LARP1: variants seen among roughly 807,000 people sequenced by gnomAD.
LARP1 encodes la-related protein 1.
LARP1 carries 36 observed loss-of-function variants against 122.7 expected under a neutral mutation model. The observed-to-expected ratio is 0.29, with a 90% CI of 0.22 to 0.39. The LOEUF (loss-of-function observed/expected upper bound fraction) is 0.39, where lower values mean the gene tolerates loss of function less well. Among genes scored for constraint, LARP1 ranks in the 10% least tolerant of loss-of-function variants. LARP1 has a pLI of 1.00. For missense variants in LARP1, 1,040 were observed against 1,403.6 expected (o/e 0.74, Z 4.14); for synonymous variants, 539 against 528.7 (o/e 1.02, Z -0.27).
At chr5:154,791,134 G>GTTTTT (rs778607471) in intron 3 of LARP1, among the ~76,000 whole-genome samples, 7 of 116,286 alleles carry the variant, frequency 6.0e-5, no homozygotes, top group African/African-American at 2.3e-4. Context: ...GTTTTTTGTT[G>GTTTTT]TTTTTTTTTT....
At chr5:154,701,291 G>A (rs1328256348) in intron 1 of LARP1, among the ~76,000 whole-genome samples, 2 of 152,198 alleles carry the variant, frequency 1.3e-5, no homozygotes, top group African/African-American at 4.8e-5. Flanking sequence ...CACTTCGTTT[G>A]TCTGACAGAA....
At chr5:154,779,404 C>T (rs866174666) in intron 1 of LARP1, among the ~76,000 whole-genome samples, 3 of 152,026 alleles carry the variant, frequency 2.0e-5, no homozygotes, top group African/African-American at 7.2e-5. Context: ...CCAAAGTCCA[C>T]GCTGTTAACT....
intron 18 of LARP1, among the ~76,000 whole-genome samples, chr5:154,812,639 C>T (rs1029241359): frequency 3.3e-5 from 5 of 151,420 alleles, no homozygotes; most frequent in Non-Finnish European, 7.4e-5. Flanking sequence ...CCTGCATTAG[C>T]CTCCTGAGTA....
chr5:154,689,718 T>A (rs1286483655), intron 1 of LARP1, among the ~76,000 whole-genome samples: 4 of 152,166 alleles, frequency 2.6e-5, no homozygotes, highest in African/African-American at 9.6e-5. Context: ...ATTCTGTTCA[T>A]CTTGCCTAAA....
intron 14 of LARP1, 30 bp downstream of exon 14, chr5:154,804,337 A>G (rs755867713): frequency 1.9e-6 from 3 of 1,539,466 alleles, no homozygotes; most frequent in African/African-American, 2.7e-5. Context: ...AAGAGTGATC[A>G]GGCTGCCTAT....
At position 154,802,201 on chromosome 5, in the gene LARP1, C is replaced by T; in HGVS notation, c.1911C>T (p.Asp637=). The change falls in exon 11 of 19, where the codon GAC becomes GAT. Residue 637 remains aspartate, a synonymous_variant. Coordinates refer to ENST00000518297, the MANE Select transcript of LARP1 (RefSeq NM_033551.3). The surrounding 1 kb of genome is among the most constrained non-coding windows in gnomAD (Gnocchi z 5.1). ...SDEESDYEID[D]RDVNKILIVT... ...AGGAATCTGACTATGAGATTGATGA[C>T]AGGGATGTCAACAAGATCCTCATTG... is the stretch of plus-strand genomic sequence containing the variant. The T allele has an allele frequency of 6.2e-7, 1 of 1,614,154 alleles. No homozygotes were observed. Among genetic ancestry groups the T allele is most frequent in the Non-Finnish European group, 8.5e-7 (1 of 1,180,008 alleles).
At chr5:154,729,566 A>T in intron 1 of LARP1, 1 of 436,832 alleles carries the variant, frequency 2.3e-6, no homozygotes. Flanking sequence ...TCAGAAAAAG[A>T]AGAAAGCCAA....
chr5:154,690,814 G>A (rs550305900), intron 1 of LARP1, among the ~76,000 whole-genome samples: 2 of 152,312 alleles, frequency 1.3e-5, no homozygotes, highest in Non-Finnish European at 2.9e-5. Flanking sequence ...CCTGGAGCCC[G>A]TTTCCACCGC....
rs1168943879 is a variant in LARP1, at chr5:154,811,298, G to A, written c.2895G>A (p.Lys965=). 2 of 1,614,094 alleles carry A rather than the reference G, an allele frequency of 1.2e-6. No homozygotes were observed. The highest frequency in any genetic ancestry group is 1.7e-6 in the Non-Finnish European group (2 of 1,180,044). Reference sequence around the variant, plus strand: ...ACTACAGTTATGGCCTGGAAAAGAAGTTCCGGCTGGACATATTCAAGGATT... The same window carrying A: ...ACTACAGTTATGGCCTGGAAAAGAAATTCCGGCTGGACATATTCAAGGATT... ...FRYYSYGLEK[K]FRLDIFKDFQ... Residue 965 remains lysine, a synonymous_variant, in exon 17 of 19, where the codon AAG becomes AAA. Transcript: ENST00000518297.
rs1447402151 is a variant in LARP1, at chr5:154,755,838, G to A, written c.81G>A (p.Lys27=). 5 of 1,003,740 alleles carry A rather than the reference G, an allele frequency of 5.0e-6. No homozygotes were observed. Among genetic ancestry groups the A allele is most frequent in the Non-Finnish European group, 5.9e-6 (5 of 840,470 alleles). The allele number at this position is 1,003,740 out of a possible 1,614,324, so 62.2% of individuals were successfully genotyped here. ...AAGAGCACGGGGGGCTGGTGAGGAA[G>A]AAGCCGCCGCCGGCGCCCGAGGGCA... ...QAEEHGGLVR[K]KPPPAPEGKG... The change falls in exon 1 of 19, where the codon AAG becomes AAA. Residue 27 remains lysine (K), a synonymous_variant. Coordinates refer to ENST00000518297, the MANE Select transcript of LARP1 (RefSeq NM_033551.3).
chr5:154,716,694 C>T (rs186475137), intron 1 of LARP1, among the ~76,000 whole-genome samples: 33 of 152,322 alleles, frequency 2.2e-4, no homozygotes, highest in African/African-American at 7.9e-4. Context: ...AGTGATCCAC[C>T]TGCCTTGGCC....
chr5:154,787,414 C>T (rs1308194889), intron 1 of LARP1, among the ~76,000 whole-genome samples: 2 of 152,156 alleles, frequency 1.3e-5, no homozygotes, highest in East Asian at 1.9e-4. Context: ...TTGTGTGTAC[C>T]TGTGTGCACG....
intron 1 of LARP1, among the ~76,000 whole-genome samples, chr5:154,695,966 C>A (rs943944235): frequency 6.6e-6 from 1 of 152,132 alleles, no homozygotes; most frequent in African/African-American, 2.4e-5. Flanking sequence ...TAGGTCTTGC[C>A]ATTCAGATGA....
chr5:154,811,640 T>C lies in LARP1; in HGVS notation c.3081T>C (p.Asp1027=), dbSNP rs1393597096. Reference sequence around the variant, plus strand: ...GACGTCTTGAAGACTTCCGAGTAGATGTAAGTGAAACTCTTTCTCTAACTC... The same window carrying C: ...GACGTCTTGAAGACTTCCGAGTAGACGTAAGTGAAACTCTTTCTCTAACTC... ...KFRRLEDFRV[D]PPMGEEGNHK... Residue 1027 remains aspartate, a splice_region_variant and synonymous_variant, in exon 18 of 19, where the codon GAT becomes GAC. Transcript: ENST00000518297. 1.2e-6 allele frequency: 2 copies of C among 1,613,998 alleles called. No individual in the cohort carries two copies. Among genetic ancestry groups the C allele is most frequent in the East Asian group, 4.5e-5 (2 of 44,884 alleles).
Position 154,803,289 on chromosome 5 carries a change from G to A in LARP1, c.2110-1G>A. ...CCCCACTCATCTCATGACCTCTGCA[G>A]CAAGAAGTCGAGAACTTCAAAAAGG... On this transcript the variant is annotated splice_acceptor_variant, in intron 11 of 18. Transcript: ENST00000518297. LOFTEE classifies it high-confidence loss of function. The surrounding 1 kb of genome is among the most constrained non-coding windows in gnomAD (Gnocchi z 4.4). 1 of 1,614,172 alleles carries A rather than the reference G, an allele frequency of 6.2e-7. No homozygotes were observed. Among genetic ancestry groups the A allele is most frequent in the Non-Finnish European group, 8.5e-7 (1 of 1,180,042 alleles).
chr5:154,795,843 T>TATTTATATATATATTTTATATAC (rs1757712526), intron 8 of LARP1, among the ~76,000 whole-genome samples: 1 of 135,520 alleles, frequency 7.4e-6, no homozygotes, highest in South Asian at 2.1e-4. Flanking sequence ...ATTTTATATA[T>TATTTATATATATATTTTATATAC]ATTTATATAT....
At chr5:154,780,308 G>A (rs747658313) in intron 1 of LARP1, among the ~76,000 whole-genome samples, 1 of 152,196 alleles carries the variant, frequency 6.6e-6, no homozygotes, top group African/African-American at 2.4e-5. Context: ...TGGAAATGGG[G>A]CCCCTCTCAG....
At chr5:154,756,272 G>C (rs751623418) in intron 1 of LARP1, 79 bp downstream of exon 1, 1 of 1,053,636 alleles carries the variant, frequency 9.5e-7, no homozygotes, top group Non-Finnish European at 1.2e-6. Context: ...GCACCTCCAG[G>C]GCCCCGGGGT....
rs556605795 is a variant in LARP1, at chr5:154,750,119, GTC to G, written c.205+36995_205+36996del. 7.2e-5 allele frequency among the ~76,000 whole-genome samples: 11 copies of G among 152,368 alleles called. No homozygotes were observed. The South Asian group carries it at 1.9e-3, about 26-fold the overall frequency. ...TCTAGTCTCTCATGCAGCCTGCTGT[GTC>G]TCTCTTTAGGAAGTTGTCAGCACAA... On this transcript the variant is annotated intron_variant, in intron 1 of 18. Transcript: ENST00000336314.
Sources: allele counts gnomAD v4.1 joint callset (sites outside exome capture counted in the v4.1 genomes callset), GRCh38; gene constraint gnomAD v4.1.1; non-coding constraint Gnocchi (gnomAD v3.1); transcripts MANE v1.5; gene names NCBI Gene and HGNC (gene_info 2026-07-23, HGNC 2026-07-21).